Variants in MAP4K5 observed in about 807,000 individuals in gnomAD.
MAP4K5 encodes MAPK/ERK kinase kinase kinase 5.
Under a neutral mutation model 135.6 loss-of-function variants are expected in MAP4K5, and 82 were observed. The ratio of observed to expected loss-of-function variants is 0.60; its 90% CI spans 0.51 to 0.73. MAP4K5 has a LOEUF of 0.73. MAP4K5 is among the 30% of genes least tolerant of loss of function. The pLI, the probability that MAP4K5 is intolerant of heterozygous loss-of-function variation, is 0.00. For missense variants in MAP4K5, 907 were observed against 1,010.9 expected, an observed-to-expected ratio of 0.90 and a Z score of 1.39; for synonymous variants, 347 against 335.0, an observed-to-expected ratio of 1.04 and a Z score of -0.39.
At chr14:50,498,436 T>C (rs902113020) in intron 3 of MAP4K5, among the ~76,000 whole-genome samples, 4 of 152,180 alleles carry the variant, frequency 2.6e-5, no homozygotes, top group Non-Finnish European at 4.4e-5. Context: ...AACAAGAACA[T>C]ACAAACATAG....
At position 50,455,224 on chromosome 14, in the gene MAP4K5, T is replaced by C. The variant is rs138515350; in HGVS notation, c.1015+1292A>G. 7.5e-3 allele frequency among the ~76,000 whole-genome samples: 1,132 copies of C among 151,936 alleles called. 17 individuals carry two copies. Among genetic ancestry groups the C allele is most frequent in the African/African-American group, 0.026 (1,087 of 41,492 alleles). ...AAATAATGTATATCAGGTTTTTAAATATTAAAAAAAGAAACTAAAAACACA... is the reference window on the plus strand; with the variant it reads ...AAATAATGTATATCAGGTTTTTAAACATTAAAAAAAGAAACTAAAAACACA... On this transcript the variant is annotated intron_variant, in intron 14 of 32. Transcript: ENST00000682126.
chr14:50,504,824 C>T lies in MAP4K5; in HGVS notation c.142G>A (p.Val48Ile). 6.4e-7 allele frequency: 1 copy of T among 1,557,534 alleles called. No homozygotes were observed. The highest frequency in any genetic ancestry group is 8.7e-7 in the Non-Finnish European group (1 of 1,150,428). The change falls in exon 3 of 33, where the codon GTA (valine) becomes ATA (isoleucine). Residue 48 changes from valine to isoleucine, a missense_variant. Transcript: ENST00000682126. ...RNVHTGELAAVKIIKLEPGDD... is the reference protein window; with the variant it reads ...RNVHTGELAAIKIIKLEPGDD... ...CCAGGCTCCAATTTAATGATTTTTA[C>T]TGCAGCCAGCTCTCCTGTGTGTACA...
intron 2 of MAP4K5, among the ~76,000 whole-genome samples, chr14:50,523,402 A>G (rs1222674927): frequency 6.6e-6 from 1 of 152,162 alleles, no homozygotes; most frequent in African/African-American, 2.4e-5. Context: ...CTTGTGTCTT[A>G]GATAATATGC....
At chr14:50,548,061 A>C (rs2038656285) in intron 1 of MAP4K5, among the ~76,000 whole-genome samples, 1 of 152,132 alleles carries the variant, frequency 6.6e-6, no homozygotes, top group African/African-American at 2.4e-5. Flanking sequence ...GATGGCCTAA[A>C]GAACAGGGGA....
At chr14:50,509,569 T>G (rs1187626168) in intron 2 of MAP4K5, among the ~76,000 whole-genome samples, 1 of 152,122 alleles carries the variant, frequency 6.6e-6, no homozygotes, top group Non-Finnish European at 1.5e-5. Context: ...AGAGTTGAAT[T>G]TGATCCAAAG....
rs141195842 is a variant in MAP4K5, at chr14:50,439,650, G to A, written c.1705+363C>T. ...GAGAGACAGTGACTTGTTCAGGATC[G>A]CAGAGAAAGAAAATAGTGTGATCCT... On this transcript the variant is annotated intron_variant, in intron 23 of 32. Coordinates refer to ENST00000682126, the MANE Select transcript of MAP4K5 (RefSeq NM_006575.6). Among the ~76,000 whole-genome samples the A allele has an allele frequency of 3.8e-4, 58 of 152,234 alleles. No individual in the cohort carries two copies. The East Asian group carries it at 0.01, about 26-fold the overall frequency.
At chr14:50,541,061 C>A (rs938169696) in intron 2 of MAP4K5, among the ~76,000 whole-genome samples, 1 of 152,218 alleles carries the variant, frequency 6.6e-6, no homozygotes, top group African/African-American at 2.4e-5. Flanking sequence ...CAGAACAGCT[C>A]TTGGCACCTA....
At chr14:50,518,503 T>C (rs2038081099) in intron 2 of MAP4K5, among the ~76,000 whole-genome samples, 1 of 152,204 alleles carries the variant, frequency 6.6e-6, no homozygotes, top group Admixed American at 6.5e-5. Context: ...GCAAAACTCC[T>C]TAATTTTTGT....
chr14:50,487,855 T>C (rs2037400393), intron 3 of MAP4K5, among the ~76,000 whole-genome samples: 1 of 152,132 alleles, frequency 6.6e-6, no homozygotes, highest in African/African-American at 2.4e-5. Context: ...ATCTGAGCCT[T>C]TTCCATCATA....
At position 50,484,921 on chromosome 14, in the gene MAP4K5, A is replaced by G. The variant is rs1242859795; in HGVS notation, c.322+657T>C. 5.9e-5 allele frequency among the ~76,000 whole-genome samples: 9 copies of G among 152,314 alleles called. No homozygotes were observed. In the East Asian group the frequency reaches 1.2e-3, roughly 20 times the overall value. ...ACAAATTATAAAATAAGTAGCTGCA[A>G]TGGGAGTTTTACTATCCCATATCCA... On this transcript the variant is annotated intron_variant, in intron 5 of 32. Coordinates refer to ENST00000682126, the MANE Select transcript of MAP4K5 (RefSeq NM_006575.6).
chr14:50,481,589 T>C (rs1442875917), intron 6 of MAP4K5, among the ~76,000 whole-genome samples: 1 of 152,166 alleles, frequency 6.6e-6, no homozygotes, highest in Admixed American at 6.5e-5. Flanking sequence ...CTACTACTTA[T>C]TCCCTCCTGC....
At position 50,553,940 on chromosome 14, in the gene MAP4K5, G is replaced by A. The variant is rs1380849509; in HGVS notation, c.-180+7100C>T. 5.9e-5 allele frequency among the ~76,000 whole-genome samples: 9 copies of A among 152,158 alleles called. No homozygotes were observed. In the East Asian group the frequency reaches 1.7e-3, roughly 29 times the overall value. The stretch of plus-strand genomic sequence containing the variant: ...CATAAGAATGATATAATGGACTTTG[G>A]GGACTCCGGGCAAAGGGTCGGGAGG... On this transcript the variant is annotated intron_variant, in intron 1 of 8. Transcript: ENST00000555216.
intron 13 of MAP4K5, among the ~76,000 whole-genome samples, chr14:50,458,093 C>T (rs78794297): frequency 0.025 from 3,737 of 152,252 alleles, 57 homozygotes; most frequent in East Asian, 0.065. Flanking sequence ...ACCCTCCATT[C>T]CCCTCAATTA....
chr14:50,516,146 G>A (rs934828290), intron 2 of MAP4K5, among the ~76,000 whole-genome samples: 1 of 152,186 alleles, frequency 6.6e-6, no homozygotes, highest in Non-Finnish European at 1.5e-5. Context: ...TATTTCCAGT[G>A]CCATACTGTA....
At chr14:50,442,842 A>G in intron 20 of MAP4K5, 26 bp from the exon 21 acceptor site, 1 of 1,359,694 alleles carries the variant, frequency 7.4e-7, no homozygotes, top group Non-Finnish European at 1.0e-6. Flanking sequence ...AGAAATGTTA[A>G]CTTATTTGAT....
intron 6 of MAP4K5, among the ~76,000 whole-genome samples, chr14:50,478,627 T>C (rs1325869993): frequency 1.3e-5 from 2 of 152,110 alleles, no homozygotes; most frequent in African/African-American, 2.4e-5. Flanking sequence ...GCAGAATATA[T>C]ACTGGTTAAA....
At chr14:50,555,588 C>T (rs957421984) in intron 1 of MAP4K5, among the ~76,000 whole-genome samples, 14 of 152,282 alleles carry the variant, frequency 9.2e-5, no homozygotes, top group African/African-American at 3.4e-4. Context: ...CCAGCCAGTT[C>T]CTTCATATTT....
intron 1 of MAP4K5, 83 bp downstream of exon 1, chr14:50,532,365 T>G: frequency 3.5e-6 from 1 of 283,856 alleles, no homozygotes; most frequent in Non-Finnish European, 6.6e-6. Flanking sequence ...CGACGAGGCC[T>G]CCCCGCCAGC....
chr14:50,426,921 T>C (rs1177819160), intron 30 of MAP4K5, among the ~76,000 whole-genome samples: 3 of 152,202 alleles, frequency 2.0e-5, no homozygotes, highest in African/African-American at 7.2e-5. Flanking sequence ...TTAACTGTTT[T>C]ATTAGACTAT....
Sources: gnomAD v4.1 joint callset for allele counts (sites outside exome capture counted in the v4.1 genomes callset) on GRCh38, gnomAD v4.1.1 for gene constraint, MANE v1.5 for transcripts, NCBI Gene and HGNC (gene_info 2026-07-23, HGNC 2026-07-21) for gene names.